The following PRSS23 variants were observed in gnomAD, a reference collection of about 807,000 sequenced individuals.
PRSS23 encodes protease, serine 23.
PRSS23 carries 25 observed loss-of-function variants against 34.7 expected under a neutral mutation model. That is an observed-to-expected ratio of 0.72 (90% CI 0.53 to 1.01). The LOEUF (loss-of-function observed/expected upper bound fraction) is 1.01, where lower values mean the gene tolerates loss of function less well. PRSS23 is among the 50% of genes least tolerant of loss of function. PRSS23 has a pLI of 0.00. For synonymous variants in PRSS23, 176 were observed against 186.6 expected, an observed-to-expected ratio of 0.94 and a Z score of 0.46; for missense variants, 445 against 475.6, an observed-to-expected ratio of 0.94 and a Z score of 0.60.
chr11:86,902,066 A>G (rs541820777), intron 2 of PRSS23, among the ~76,000 whole-genome samples: 1 of 152,296 alleles, frequency 6.6e-6, no homozygotes, highest in Non-Finnish European at 1.5e-5. Flanking sequence ...TAGATTGTCA[A>G]TTCATGTCTA....
chr11:86,900,310 G>T (rs1948902837), intron 2 of PRSS23, among the ~76,000 whole-genome samples: 1 of 152,168 alleles, frequency 6.6e-6, no homozygotes, highest in Admixed American at 6.5e-5. Context: ...GTACAGGGAG[G>T]CAGGAGGAGG....
chr11:86,901,629 T>G (rs1458166486), intron 2 of PRSS23, among the ~76,000 whole-genome samples: 1 of 152,136 alleles, frequency 6.6e-6, no homozygotes, highest in Non-Finnish European at 1.5e-5. Flanking sequence ...TAATTCAAAG[T>G]CTCTTGAGAG....
At chr11:86,832,217 G>T (rs769188471) in intron 2 of PRSS23, among the ~76,000 whole-genome samples, 1 of 152,006 alleles carries the variant, frequency 6.6e-6, no homozygotes, top group Admixed American at 6.6e-5. Flanking sequence ...ATATCACAGT[G>T]GGTGTACCAC....
chr11:86,902,769 G>A (rs1403732807), intron 2 of PRSS23, among the ~76,000 whole-genome samples: 2 of 152,136 alleles, frequency 1.3e-5, no homozygotes. Flanking sequence ...ATTCCACACT[G>A]CTTCATTCAG....
At chr11:86,853,462 C>A (rs1435365574) in intron 2 of PRSS23, among the ~76,000 whole-genome samples, 1 of 151,750 alleles carries the variant, frequency 6.6e-6, no homozygotes, top group Non-Finnish European at 1.5e-5. Flanking sequence ...ACCGTTTTGG[C>A]CAGGCTGGTC....
chr11:86,832,179 A>G (rs1009556834), intron 2 of PRSS23, among the ~76,000 whole-genome samples: 3 of 152,104 alleles, frequency 2.0e-5, no homozygotes, highest in African/African-American at 7.2e-5. Flanking sequence ...GATGTCATTC[A>G]TAATATCGTA....
intron 2 of PRSS23, chr11:86,832,805 G>C (rs754927333): frequency 2.0e-5 from 6 of 294,984 alleles, no homozygotes; most frequent in African/African-American, 1.3e-4. Context: ...TTTATAGTAA[G>C]AGAAAATGAT....
rs991821211 is a variant in PRSS23, at chr11:86,952,635, C to T, written c.*1350C>T. 1.5e-5 allele frequency: 10 copies of T among 662,362 alleles called. No individual in the cohort carries two copies. The African/African-American group carries it at 1.6e-4, about 11-fold the overall frequency. The allele number at this position is 662,362 out of a possible 1,614,324, so 41.0% of individuals were successfully genotyped here. A position where few individuals can be genotyped will look rare whatever the true frequency, so the allele number is the denominator to read the frequency against. ...TTTACTCTGACCTCAAACAAGGGCG[C>T]CTGATAATCCATCACTTACATACTT... On this transcript the variant is annotated 3_prime_UTR_variant, in exon 3 of 3. Coordinates refer to the PRSS23 transcript ENST00000533902.
At chr11:86,860,771 A>G (rs759182412) in intron 2 of PRSS23, among the ~76,000 whole-genome samples, 3 of 151,886 alleles carry the variant, frequency 2.0e-5, no homozygotes, top group African/African-American at 7.3e-5. Context: ...CTTATATCCC[A>G]GGGCGGGGAA....
At chr11:86,930,977 G>T (rs1457600258) in intron 2 of PRSS23, among the ~76,000 whole-genome samples, 5 of 152,170 alleles carry the variant, frequency 3.3e-5, no homozygotes, top group Admixed American at 3.3e-4. Context: ...GCCAAATTGT[G>T]CAGGCTACGT....
Position 86,838,785 on chromosome 11 carries a change from G to T in PRSS23, c.206+15192G>T, listed in dbSNP as rs12272313. 6.1e-3 allele frequency among the ~76,000 whole-genome samples: 925 copies of T among 152,168 alleles called. 16 individuals are homozygous for T. The highest frequency in any genetic ancestry group is 0.021 in the African/African-American group (876 of 41,542). Reference sequence around the variant, plus strand: ...AGATGAAGCTTCCAGAGGAAAGATCGGGCAGCAATATTTGCTGTTCTGCAG... The same window carrying T: ...AGATGAAGCTTCCAGAGGAAAGATCTGGCAGCAATATTTGCTGTTCTGCAG... On this transcript the variant is annotated intron_variant, in intron 2 of 2. Coordinates refer to the PRSS23 transcript ENST00000533902.
At chr11:86,871,399 G>T (rs1212284282) in intron 2 of PRSS23, among the ~76,000 whole-genome samples, 2 of 152,038 alleles carry the variant, frequency 1.3e-5, no homozygotes, top group Non-Finnish European at 2.9e-5. Context: ...TCTCTTTTAG[G>T]CCTTGTGTAG....
intron 1 of PRSS23, among the ~76,000 whole-genome samples, chr11:86,801,370 C>T (rs1168776297): frequency 6.6e-6 from 1 of 152,226 alleles, no homozygotes; most frequent in Non-Finnish European, 1.5e-5. Context: ...CACCACCACT[C>T]CTCTCCAGAA....
chr11:86,819,949 T>C lies in PRSS23; in HGVS notation c.-11-3428T>C, dbSNP rs1412667255. 2.0e-5 allele frequency among the ~76,000 whole-genome samples: 3 copies of C among 152,242 alleles called. No homozygotes were observed. In the South Asian group the frequency reaches 6.2e-4, roughly 32 times the overall value. The stretch of plus-strand genomic sequence containing the variant: ...TCCAGTGCTTTATCAAAAATGGCAT[T>C]CAATAGATTATAAGATTGATAAATC... On this transcript the variant is annotated intron_variant, in intron 1 of 2. Transcript: ENST00000533902.
intron 2 of PRSS23, among the ~76,000 whole-genome samples, chr11:86,853,497 C>T (rs554932885): frequency 1.6e-4 from 24 of 152,052 alleles, no homozygotes; most frequent in Non-Finnish European, 3.1e-4. Context: ...TCAGGTGATC[C>T]TCCCACGTTG....
At chr11:86,924,547 G>C (rs1428296417) in intron 2 of PRSS23, among the ~76,000 whole-genome samples, 1 of 152,206 alleles carries the variant, frequency 6.6e-6, no homozygotes, top group East Asian at 1.9e-4. Flanking sequence ...GGACTTGAAG[G>C]CTCTTGGACC....
intron 2 of PRSS23, among the ~76,000 whole-genome samples, chr11:86,873,828 G>T (rs1406311092): frequency 6.6e-6 from 1 of 152,204 alleles, no homozygotes; most frequent in African/African-American, 2.4e-5. Flanking sequence ...AGGCATAAAA[G>T]AGAACCAGAG....
intron 2 of PRSS23, among the ~76,000 whole-genome samples, chr11:86,878,592 TG>T (rs1353829802): frequency 2.6e-5 from 4 of 152,092 alleles, no homozygotes; most frequent in Non-Finnish European, 5.9e-5. Context: ...TGGAGTGCAG[TG>T]GCGTGATCTC....
upstream of PRSS23, among the ~76,000 whole-genome samples, chr11:86,796,866 G>A (rs560600731): frequency 6.6e-6 from 1 of 152,246 alleles, no homozygotes; most frequent in South Asian, 2.1e-4. Flanking sequence ...TATGCTTTGA[G>A]CTTCAGCTCA....
Sources: allele counts gnomAD v4.1 joint callset (sites outside exome capture counted in the v4.1 genomes callset), GRCh38; gene constraint gnomAD v4.1.1; transcripts MANE v1.5; gene names NCBI Gene and HGNC (gene_info 2026-07-23, HGNC 2026-07-21).